CA10: variants seen among roughly 807,000 people sequenced by gnomAD.
The protein encoded by CA10 is carbonic anhydrase-related protein 10.
Under a neutral mutation model 44.2 loss-of-function variants are expected in CA10, and 14 were observed. The observed-to-expected ratio is 0.32, with a 90% CI of 0.21 to 0.50. The LOEUF (loss-of-function observed/expected upper bound fraction) is 0.50. Among genes scored for constraint, CA10 ranks in the 20% least tolerant of loss-of-function variants. The pLI, the probability that CA10 is intolerant of heterozygous loss-of-function variation, is 0.99. For missense variants in CA10, 350 were observed against 409.7 expected (o/e 0.85, Z 1.26); for synonymous variants, 159 against 141.6 (o/e 1.12, Z -0.87).
At chr17:52,051,846 C>G (rs1295725129) in intron 2 of CA10, among the ~76,000 whole-genome samples, 2 of 152,052 alleles carry the variant, frequency 1.3e-5, no homozygotes, top group African/African-American at 4.8e-5. Context: ...CACTGTAGAA[C>G]TAGTCACAAT....
intron 3 of CA10, among the ~76,000 whole-genome samples, chr17:51,878,343 T>A (rs573290563): frequency 1.2e-4 from 18 of 152,102 alleles, no homozygotes; most frequent in Non-Finnish European, 2.1e-4. Flanking sequence ...CAGAAGCCCC[T>A]GCATTAGTTG....
intron 3 of CA10, among the ~76,000 whole-genome samples, chr17:51,829,835 T>G (rs558110616): frequency 6.6e-6 from 1 of 152,154 alleles, no homozygotes; most frequent in Admixed American, 6.5e-5. Context: ...GAACATAAGG[T>G]GTTTCAAACT....
chr17:51,801,529 C>T (rs1232909833), intron 3 of CA10, among the ~76,000 whole-genome samples: 2 of 151,458 alleles, frequency 1.3e-5, no homozygotes, highest in African/African-American at 4.9e-5. Flanking sequence ...CTTCCATATA[C>T]GTGAATCTTA....
chr17:51,764,369 C>T lies in CA10; in HGVS notation c.280-16551G>A, dbSNP rs538009430. Among the ~76,000 whole-genome samples, 11 of 152,288 alleles carry T rather than the reference C, an allele frequency of 7.2e-5. No homozygotes were observed. In the South Asian group the frequency reaches 1.5e-3, roughly 20 times the overall value. On this transcript the variant is annotated intron_variant, in intron 3 of 8. Coordinates refer to ENST00000451037, the MANE Select transcript of CA10 (RefSeq NM_020178.5). ...GTTCCTATGACTTCCTTAACTTAAG[C>T]GTAATAACACATAAACATAGCTTTG...
At chr17:52,073,019 A>G (rs911875396) in intron 1 of CA10, among the ~76,000 whole-genome samples, 1 of 152,182 alleles carries the variant, frequency 6.6e-6, no homozygotes, top group African/African-American at 2.4e-5. Context: ...CCTTGAATTC[A>G]TGACAGTTGA....
intron 6 of CA10, among the ~76,000 whole-genome samples, chr17:51,648,852 T>C (rs564518137): frequency 4.1e-4 from 62 of 152,298 alleles, no homozygotes; most frequent in Admixed American, 1.4e-3. Flanking sequence ...AATCCCGTAA[T>C]TGGCAAAGCC....
At chr17:51,642,569 C>G (rs2040555) in intron 6 of CA10, among the ~76,000 whole-genome samples, 2 of 152,176 alleles carry the variant, frequency 1.3e-5, no homozygotes, top group East Asian at 3.8e-4. Flanking sequence ...TGAAAGCTCT[C>G]CTCCAGATGC....
At chr17:52,016,184 T>C (rs1985962426) in intron 2 of CA10, among the ~76,000 whole-genome samples, 1 of 152,110 alleles carries the variant, frequency 6.6e-6, no homozygotes, top group Non-Finnish European at 1.5e-5. Context: ...AGCATCTCCA[T>C]GCAAAGCATC....
intron 3 of CA10, among the ~76,000 whole-genome samples, chr17:51,859,050 T>TATTA (rs149156202): frequency 6.6e-6 from 1 of 152,080 alleles, no homozygotes; most frequent in African/African-American, 2.4e-5. Flanking sequence ...GTTAGTTAAT[T>TATTA]ATTAATTAAT....
intron 2 of CA10, among the ~76,000 whole-genome samples, chr17:51,975,590 G>T (rs927418837): frequency 1.3e-5 from 2 of 152,210 alleles, no homozygotes; most frequent in Non-Finnish European, 2.9e-5. Context: ...TGAGGCAGGA[G>T]AATCGTCTGA....
At chr17:51,830,399 C>G (rs1334562983) in intron 3 of CA10, among the ~76,000 whole-genome samples, 1 of 151,308 alleles carries the variant, frequency 6.6e-6, no homozygotes, top group Non-Finnish European at 1.5e-5. Context: ...TCAGATGTAC[C>G]TGATTTAGAA....
chr17:52,159,017 C>T (rs1309018978), upstream of CA10, among the ~76,000 whole-genome samples: 1 of 152,180 alleles, frequency 6.6e-6, no homozygotes, highest in Non-Finnish European at 1.5e-5. Context: ...GCCGCCTCCG[C>T]ACTCCGCCCC....
At chr17:51,700,095 C>T (rs1488861821) in intron 4 of CA10, among the ~76,000 whole-genome samples, 2 of 152,116 alleles carry the variant, frequency 1.3e-5, no homozygotes, top group South Asian at 2.1e-4. Context: ...GTAGGCTGCA[C>T]GATGCTGCAG....
At chr17:51,825,088 C>T (rs9903811) in intron 3 of CA10, among the ~76,000 whole-genome samples, 9,001 of 152,178 alleles carry the variant, frequency 0.059, 745 homozygotes, top group African/African-American at 0.19. Flanking sequence ...GTAAGTCTGC[C>T]AATCTAATCT....
intron 2 of CA10, among the ~76,000 whole-genome samples, chr17:51,965,642 T>C (rs1984053299): frequency 6.6e-6 from 1 of 151,996 alleles, no homozygotes; most frequent in Non-Finnish European, 1.5e-5. Flanking sequence ...TAAAAAGCCT[T>C]TTATAAAATT....
chr17:51,693,821 T>G (rs139743573), intron 4 of CA10, among the ~76,000 whole-genome samples: 1 of 152,212 alleles, frequency 6.6e-6, no homozygotes, highest in African/African-American at 2.4e-5. Context: ...TGCATGTGTC[T>G]TTTTGGTAGA....
At chr17:51,809,141 G>GA (rs1165856281) in intron 3 of CA10, among the ~76,000 whole-genome samples, 4 of 151,810 alleles carry the variant, frequency 2.6e-5, no homozygotes, top group East Asian at 3.9e-4. Flanking sequence ...AAGTGATAGG[G>GA]AAAAAATAGA....
chr17:52,071,841 T>C (rs1460532925), intron 2 of CA10, among the ~76,000 whole-genome samples: 1 of 152,164 alleles, frequency 6.6e-6, no homozygotes, highest in African/African-American at 2.4e-5. Flanking sequence ...TGCTTTAATC[T>C]GTATTCAGTT....
intron 3 of CA10, among the ~76,000 whole-genome samples, chr17:51,918,884 T>TGGATTATTTTA (rs1982112644): frequency 6.6e-6 from 1 of 152,352 alleles, no homozygotes; most frequent in East Asian, 1.9e-4. Context: ...TGGAAAGAGA[T>TGGATTATTTTA]GGATTATTTT....
Sources: allele counts gnomAD v4.1 joint callset (sites outside exome capture counted in the v4.1 genomes callset), GRCh38; gene constraint gnomAD v4.1.1; transcripts MANE v1.5; gene names NCBI Gene and HGNC (gene_info 2026-07-23, HGNC 2026-07-21).